The following WNK1 variants were observed in gnomAD, a reference collection of about 807,000 sequenced individuals.
The protein encoded by WNK1 is serine/threonine-protein kinase WNK1.
In WNK1, 38 loss-of-function variants were observed where a neutral mutation model predicts 222.8. That is an observed-to-expected ratio of 0.17 (90% CI 0.13 to 0.22). The LOEUF (loss-of-function observed/expected upper bound fraction) is 0.22. Ranked by LOEUF, WNK1 falls within the 10% of genes least tolerant of loss-of-function variation. WNK1 has a pLI of 1.00. For synonymous variants in WNK1, 1,090 were observed against 1,092.9 expected (o/e 1.00, Z 0.05); for missense variants, 2,348 against 2,918.4 (o/e 0.80, Z 4.50).
In WNK1 at chr12:864,110, G is replaced by GTTTTTTTTTTTTTTTTT. The variant is rs372936466; in HGVS notation, c.2139+1841_2139+1857dup. ...ACCCTGTGCCTGAACATTTTTTTAAGTTTTTTTTTTTTTTTTTGACAGCGT... is the reference window on the plus strand; with the variant it reads ...ACCCTGTGCCTGAACATTTTTTTAAGTTTTTTTTTTTTTTTTTTTTTTTTTTTTTTTTTTGACAGCGT... On this transcript the variant is annotated intron_variant, in intron 8 of 27. Coordinates refer to ENST00000315939, the MANE Select transcript of WNK1 (RefSeq NM_018979.4). Among the ~76,000 whole-genome samples, 121 of 124,564 alleles carry GTTTTTTTTTTTTTTTTT rather than the reference G, an allele frequency of 9.7e-4. 6 individuals carry two copies. Among genetic ancestry groups the GTTTTTTTTTTTTTTTTT allele is most frequent in the African/African-American group, 3.4e-3 (113 of 33,118 alleles). The allele number at this position is 124,564 out of a possible 152,430, so 81.7% of individuals were successfully genotyped here. A position where few individuals can be genotyped will look rare whatever the true frequency, so the allele number is the denominator to read the frequency against.
intron 2 of WNK1, among the ~76,000 whole-genome samples, chr12:817,716 A>C (rs140824295): frequency 0.015 from 2,316 of 152,254 alleles, 59 homozygotes; most frequent in African/African-American, 0.052. Flanking sequence ...AGGCGGATGG[A>C]TCACCTGAGG....
chr12:805,499 C>T (rs943981455), intron 1 of WNK1, among the ~76,000 whole-genome samples: 1 of 152,116 alleles, frequency 6.6e-6, no homozygotes, highest in Non-Finnish European at 1.5e-5. Flanking sequence ...ACAGCAAAAC[C>T]AATTTTTAGT....
chr12:755,121 A>C (rs1939804786), intron 1 of WNK1, among the ~76,000 whole-genome samples: 1 of 152,186 alleles, frequency 6.6e-6, no homozygotes, highest in South Asian at 2.1e-4. Context: ...ATGGTGTGTC[A>C]TTCCGGTTGA....
chr12:886,359 G>A (rs945162279), intron 19 of WNK1, among the ~76,000 whole-genome samples: 8 of 152,182 alleles, frequency 5.3e-5, no homozygotes, highest in Non-Finnish European at 1.0e-4. Flanking sequence ...TTCTGAATTG[G>A]TACAAACTGA....
intron 4 of WNK1, among the ~76,000 whole-genome samples, chr12:842,737 G>T (rs1377895977): frequency 6.6e-6 from 1 of 152,170 alleles, no homozygotes; most frequent in African/African-American, 2.4e-5. Flanking sequence ...TATTGGAAGA[G>T]GGAGATGCTC....
intron 13 of WNK1, 26 bp downstream of exon 13, chr12:881,815 C>T: frequency 6.2e-7 from 1 of 1,613,740 alleles, no homozygotes; most frequent in Non-Finnish European, 8.5e-7. Context: ...ATTCTCCTTC[C>T]TTGACTGGTA....
chr12:868,805 G>C (rs1196355826), intron 8 of WNK1: 1 of 1,613,926 alleles, frequency 6.2e-7, no homozygotes, highest in African/African-American at 1.3e-5. Flanking sequence ...TAATTACCAT[G>C]CCCCAGAATT....
intron 4 of WNK1, among the ~76,000 whole-genome samples, chr12:834,035 T>C (rs1459893930): frequency 1.3e-5 from 2 of 152,118 alleles, no homozygotes. Context: ...AACCCTGCTA[T>C]GGATTAGGGA....
At chr12:764,467 C>A (rs1475226174) in intron 1 of WNK1, among the ~76,000 whole-genome samples, 2 of 144,832 alleles carry the variant, frequency 1.4e-5, no homozygotes, top group Admixed American at 6.9e-5. Flanking sequence ...GAAACCCCGT[C>A]TCTACTAAAA....
At chr12:889,108 G>A in intron 20 of WNK1, 32 bp from the exon 21 acceptor site, 1 of 1,595,890 alleles carries the variant, frequency 6.3e-7, no homozygotes, top group Non-Finnish European at 8.6e-7. Context: ...AGGTGCCACG[G>A]AACTGTATTT....
Position 885,133 on chromosome 12 carries a change from T to C in WNK1, c.4329T>C (p.Ser1443=). ...VPTSTSEIVV[S]STALYPSVTV... The stretch of plus-strand genomic sequence containing the variant: ...CATCCACATCTGAGATCGTTGTTTC[T>C]AGTACAGCACTGTATCCTTCAGTAA... Residue 1443 remains serine (S), a synonymous_variant, in exon 19 of 28, where the codon TCT becomes TCC. Transcript: ENST00000315939. 6.2e-7 allele frequency: 1 copy of C among 1,614,212 alleles called. No individual in the cohort carries two copies. The highest frequency in any genetic ancestry group is 8.5e-7 in the Non-Finnish European group (1 of 1,180,032).
intron 2 of WNK1, among the ~76,000 whole-genome samples, chr12:814,394 G>A (rs140378394): frequency 3.8e-4 from 58 of 151,416 alleles, no homozygotes; most frequent in Middle Eastern, 3.5e-3. Flanking sequence ...GTTAAAATGA[G>A]ATTAAGGTTT....
Position 753,722 on chromosome 12 carries a change from G to A in WNK1, c.157G>A (p.Glu53Lys). ...CGACGCTGTGACCGGCAGGACCGAG[G>A]AGTACAGGCGCCGCCGCCACACTAT... is the stretch of plus-strand genomic sequence containing the variant. Reference protein sequence around the residue: ...AADAVTGRTEEYRRRRHTMDK... With the variant: ...AADAVTGRTEKYRRRRHTMDK... Residue 53 changes from glutamate to lysine, a missense_variant, in exon 1 of 28, where the codon GAG (glutamate) becomes AAG (lysine). Coordinates refer to ENST00000315939, the MANE Select transcript of WNK1 (RefSeq NM_018979.4). The surrounding 1 kb of genome is among the most constrained non-coding windows in gnomAD (Gnocchi z 5.2). 1.2e-6 allele frequency: 2 copies of A among 1,612,086 alleles called. No individual in the cohort carries two copies. The highest frequency in any genetic ancestry group is 1.7e-6 in the Non-Finnish European group (2 of 1,179,802).
intron 1 of WNK1, among the ~76,000 whole-genome samples, chr12:773,080 G>A (rs1942724279): frequency 6.6e-6 from 1 of 152,154 alleles, no homozygotes; most frequent in Non-Finnish European, 1.5e-5. Context: ...CCAACATGGA[G>A]AAACCCCATC....
intron 4 of WNK1, among the ~76,000 whole-genome samples, chr12:852,019 T>C (rs72648651): frequency 2.8e-3 from 421 of 152,314 alleles, no homozygotes; most frequent in African/African-American, 9.6e-3. Context: ...TTTACCTTTA[T>C]TAAGAGTTAA....
intron 22 of WNK1, among the ~76,000 whole-genome samples, chr12:893,065 G>A (rs1453752749): frequency 6.6e-6 from 1 of 152,064 alleles, no homozygotes; most frequent in East Asian, 1.9e-4. Context: ...GACCAGCCTG[G>A]GCAATATAGT....
intron 1 of WNK1, among the ~76,000 whole-genome samples, chr12:812,938 G>A (rs1446371062): frequency 6.6e-6 from 1 of 151,936 alleles, no homozygotes; most frequent in Non-Finnish European, 1.5e-5. Context: ...TTAAGTTATT[G>A]CTTAAAAGAA....
At chr12:862,420 G>C (rs1324826059) in intron 8 of WNK1, 150 bp downstream of exon 8, 2 of 877,860 alleles carry the variant, frequency 2.3e-6, no homozygotes, top group African/African-American at 3.4e-5. Context: ...TATAGAGTAG[G>C]ATATAGACAT....
chr12:797,546 C>G (rs1274030370), intron 1 of WNK1, among the ~76,000 whole-genome samples: 1 of 152,186 alleles, frequency 6.6e-6, no homozygotes, highest in Non-Finnish European at 1.5e-5. Flanking sequence ...TCAATTTCAA[C>G]TTTAGGTATT....
Sources: gnomAD v4.1 joint callset for allele counts (sites outside exome capture counted in the v4.1 genomes callset) on GRCh38, gnomAD v4.1.1 for gene constraint, Gnocchi (gnomAD v3.1) non-coding constraint, MANE v1.5 for transcripts, NCBI Gene and HGNC (gene_info 2026-07-23, HGNC 2026-07-21) for gene names.